SLC43A2: variants seen among roughly 807,000 people sequenced by gnomAD.
SLC43A2 encodes the protein large neutral amino acids transporter small subunit 4.
A neutral mutation model predicts 63.2 loss-of-function variants in SLC43A2; 38 were observed. The observed-to-expected ratio is 0.60, with a 90% confidence interval of 0.46 to 0.79. The LOEUF is 0.79. Ranked by LOEUF, SLC43A2 falls within the 30% of genes least tolerant of loss-of-function variation. The pLI, the probability that SLC43A2 is intolerant of heterozygous loss-of-function variation, is 0.00. For missense variants in SLC43A2, 644 were observed against 756.2 expected (o/e 0.85, Z 1.74); for synonymous variants, 322 against 331.0 (o/e 0.97, Z 0.30).
At chr17:1,585,884 G>C (rs776959998) in intron 10 of SLC43A2, 29 bp downstream of exon 10, 2 of 1,613,282 alleles carry the variant, frequency 1.2e-6, no homozygotes, top group East Asian at 2.2e-5. Flanking sequence ...TGCGGGCTGG[G>C]AGCCGGGGCA....
At chr17:1,581,221 C>CACACACACA (rs1491572456) in intron 11 of SLC43A2, among the ~76,000 whole-genome samples, 1 of 151,906 alleles carries the variant, frequency 6.6e-6, no homozygotes, top group African/African-American at 2.4e-5. Flanking sequence ...CACACACACA[C>CACACACACA]GCACGCTGTG....
intron 5 of SLC43A2, among the ~76,000 whole-genome samples, chr17:1,612,592 C>T (rs975258276): frequency 1.3e-5 from 2 of 152,216 alleles, no homozygotes; most frequent in African/African-American, 4.8e-5. Context: ...AGAAAGTGGG[C>T]GGCAGCGTTT....
chr17:1,602,758 G>GT (rs555244484), intron 5 of SLC43A2, among the ~76,000 whole-genome samples: 2,219 of 135,020 alleles, frequency 0.016, 26 homozygotes, highest in East Asian at 0.038. Flanking sequence ...TGTTTTTTCA[G>GT]TTTTTTTTTT....
intron 6 of SLC43A2, among the ~76,000 whole-genome samples, chr17:1,591,917 T>A (rs368973105): frequency 6.6e-6 from 1 of 152,088 alleles, no homozygotes; most frequent in African/African-American, 2.4e-5. Context: ...GGGCCTGGCG[T>A]GTGATTAGCC....
At chr17:1,610,992 C>G (rs758721173) in intron 5 of SLC43A2, among the ~76,000 whole-genome samples, 1 of 151,928 alleles carries the variant, frequency 6.6e-6, no homozygotes, top group Non-Finnish European at 1.5e-5. Flanking sequence ...AGGGACCCAC[C>G]ACTGTGCCCA....
intron 5 of SLC43A2, among the ~76,000 whole-genome samples, chr17:1,600,490 C>G (rs187356814): frequency 6.8e-6 from 1 of 148,014 alleles, no homozygotes; most frequent in African/African-American, 2.5e-5. Flanking sequence ...GGTCTGTGCT[C>G]TAAGGTGAGC....
At chr17:1,586,927 A>AGGGGGCCCC in intron 9 of SLC43A2, 2 of 1,355,946 alleles carry the variant, frequency 1.5e-6, no homozygotes, top group Non-Finnish European at 2.0e-6. Flanking sequence ...TTCCCTGACA[A>AGGGGGCCCC]TCCCCCCCAC....
chr17:1,584,579 C>T (rs1325190255), intron 10 of SLC43A2, among the ~76,000 whole-genome samples: 4 of 151,976 alleles, frequency 2.6e-5, no homozygotes, highest in East Asian at 1.9e-4. Context: ...TCTGGGAGGC[C>T]GAGGCAAGCG....
chr17:1,625,361 A>G (rs1319012887), intron 2 of SLC43A2, among the ~76,000 whole-genome samples: 1 of 152,222 alleles, frequency 6.6e-6, no homozygotes. Flanking sequence ...CAACAGGTTC[A>G]GGCAAATTTT....
intron 11 of SLC43A2, among the ~76,000 whole-genome samples, chr17:1,581,202 C>CACACACACACACACA (rs2076007118): frequency 6.7e-6 from 1 of 148,364 alleles, no homozygotes; most frequent in Non-Finnish European, 1.5e-5. Flanking sequence ...TGCCCAGTGC[C>CACACACACACACACA]CACACACACA....
intron 2 of SLC43A2, among the ~76,000 whole-genome samples, chr17:1,622,542 G>C (rs1204764953): frequency 6.6e-6 from 1 of 151,394 alleles, no homozygotes; most frequent in Non-Finnish European, 1.5e-5. Flanking sequence ...TCCAGCCTGG[G>C]CGACAGAGCA....
chr17:1,627,650 C>CCCACCCCCCCCCCCCCCAA, intron 2 of SLC43A2, 65 bp downstream of exon 2: 1 of 683,134 alleles, frequency 1.5e-6, no homozygotes, highest in Non-Finnish European at 2.3e-6. Flanking sequence ...GTCTTCGCCC[C>CCCACCCCCCCCCCCCCCAA]CATCCCGCCC....
chr17:1,622,369 G>A (rs1052581569), intron 2 of SLC43A2, among the ~76,000 whole-genome samples: 24 of 151,048 alleles, frequency 1.6e-4, no homozygotes, highest in Middle Eastern at 3.4e-3. Flanking sequence ...CAAGACCATC[G>A]TGGCTAACAC....
In SLC43A2 at chr17:1,570,526, G is replaced by T. The variant is rs1328220621; in HGVS notation, c.*5078C>A. ...TTTTGAGACGGAGTCTCGCTCTGTC[G>T]CCCAGGCTGGAGTGCAGTGGCGGGA... is the stretch of plus-strand genomic sequence containing the variant. On this transcript the variant is annotated 3_prime_UTR_variant, in exon 14 of 14. Coordinates refer to ENST00000301335, the MANE Select transcript of SLC43A2 (RefSeq NM_152346.3). 1 of 142,100 alleles carries T rather than the reference G, an allele frequency of 7.0e-6. No homozygotes were observed. Among genetic ancestry groups the T allele is most frequent in the Non-Finnish European group, 1.5e-5 (1 of 66,242 alleles). 8.8% of individuals were successfully genotyped at this position (142,100 alleles called of 1,614,324 possible). A position where few individuals can be genotyped will look rare whatever the true frequency, so the allele number is the denominator to read the frequency against.
intron 10 of SLC43A2, 169 bp downstream of exon 10, chr17:1,585,744 T>C (rs776703836): frequency 6.4e-7 from 1 of 1,573,828 alleles, no homozygotes; most frequent in Non-Finnish European, 8.6e-7. Flanking sequence ...GGGGAGCAGT[T>C]GAAACGCATG....
chr17:1,615,165 T>G (rs936110264), intron 3 of SLC43A2, 131 bp from the exon 4 acceptor site: 1 of 1,045,848 alleles, frequency 9.6e-7, no homozygotes, highest in Non-Finnish European at 1.4e-6. Flanking sequence ...TGGAGTGCAG[T>G]GGCGCGATCT....
Position 1,569,624 on chromosome 17 carries a change from G to A in SLC43A2, c.*5980C>T, listed in dbSNP as rs2075817476. ...ATAAACACACACGCACACAGTCAGA[G>A]GCACGGTCCCGCAGCTGTATGAGGA... is the stretch of plus-strand genomic sequence containing the variant. On this transcript the variant is annotated 3_prime_UTR_variant, in exon 14 of 14. Coordinates refer to ENST00000301335, the MANE Select transcript of SLC43A2 (RefSeq NM_152346.3). 6.6e-6 allele frequency: 1 copy of A among 152,356 alleles called. No individual in the cohort carries two copies. The allele number at this position is 152,356 out of a possible 1,614,324, so 9.4% of individuals were successfully genotyped here. A position where few individuals can be genotyped will look rare whatever the true frequency, so the allele number is the denominator to read the frequency against.
rs1381996812 is a variant in SLC43A2, at chr17:1,576,629, T to G, written c.1516A>C (p.Met506Leu). The G allele has an allele frequency of 1.6e-5, 25 of 1,610,406 alleles. No individual in the cohort carries two copies. The highest frequency in any genetic ancestry group is 2.1e-5 in the Non-Finnish European group (25 of 1,179,946). ...ALLQQPLFLAMMGPLQGDPLW... is the reference protein window; with the variant it reads ...ALLQQPLFLALMGPLQGDPLW... ...GGGTCTCCCTGGAGAGGACCCATCATGGCCAGAAACAGCGGCTGCTGCAGA... is the reference window on the plus strand; with the variant it reads ...GGGTCTCCCTGGAGAGGACCCATCAGGGCCAGAAACAGCGGCTGCTGCAGA... The change falls in exon 13 of 14, where the codon ATG (methionine) becomes CTG (leucine). Residue 506 changes from methionine (M) to leucine (L), a missense_variant. Around this residue, in one of 3 missense-constraint regions of SLC43A2, gnomAD observed 105 missense variants for 101.7 expected, o/e 1.03. Coordinates refer to ENST00000301335, the MANE Select transcript of SLC43A2 (RefSeq NM_152346.3).
At chr17:1,576,504 C>G in intron 13 of SLC43A2, 93 bp downstream of exon 13, 1 of 1,413,110 alleles carries the variant, frequency 7.1e-7, no homozygotes, top group Non-Finnish European at 9.5e-7. Context: ...CACATGTCCT[C>G]GGGGCCCTGA....
Sources: gnomAD v4.1 joint callset for allele counts (sites outside exome capture counted in the v4.1 genomes callset) on GRCh38, gnomAD v4.1.1 for gene constraint, gnomAD v4.1.1 regional missense constraint, MANE v1.5 for transcripts, NCBI Gene and HGNC (gene_info 2026-07-23, HGNC 2026-07-21) for gene names.